RGS7: variants seen among roughly 807,000 people sequenced by gnomAD.
RGS7 encodes the protein regulator of G-protein signaling 7.
A neutral mutation model predicts 81.1 loss-of-function variants in RGS7; 27 were observed. That is an observed-to-expected ratio of 0.33 (90% CI 0.25 to 0.46). The LOEUF is 0.46. Among genes scored for constraint, RGS7 ranks in the 20% least tolerant of loss-of-function variants. RGS7 has a pLI of 1.00. For missense variants in RGS7, 396 were observed against 607.4 expected, an observed-to-expected ratio of 0.65 and a Z score of 3.66; for synonymous variants, 208 against 207.7, an observed-to-expected ratio of 1.00 and a Z score of -0.01.
chr1:241,156,102 A>C (rs931730796), intron 2 of RGS7, among the ~76,000 whole-genome samples: 22 of 148,612 alleles, frequency 1.5e-4, no homozygotes, highest in Non-Finnish European at 3.1e-4. Context: ...ACACACACAC[A>C]CCTGAGATAG....
chr1:240,908,571 ACCC>A (rs1671233010), intron 6 of RGS7, among the ~76,000 whole-genome samples: 1 of 152,022 alleles, frequency 6.6e-6, no homozygotes, highest in Non-Finnish European at 1.5e-5. Flanking sequence ...CACTGTCAAA[ACCC>A]TCTACCTCCC....
At chr1:240,822,480 A>AT (rs1192993810) in intron 10 of RGS7, among the ~76,000 whole-genome samples, 11 of 152,210 alleles carry the variant, frequency 7.2e-5, no homozygotes, top group Non-Finnish European at 1.3e-4. Flanking sequence ...TTCTAATAAT[A>AT]ATGCACAAAA....
intron 3 of RGS7, among the ~76,000 whole-genome samples, chr1:241,027,794 T>C (rs1375478886): frequency 6.6e-6 from 1 of 152,132 alleles, no homozygotes; most frequent in Non-Finnish European, 1.5e-5. Context: ...TTGGGTTTTG[T>C]GGAACTTAAA....
At chr1:241,199,361 T>C (rs1573092814) in intron 2 of RGS7, among the ~76,000 whole-genome samples, 1 of 151,724 alleles carries the variant, frequency 6.6e-6, no homozygotes, top group African/African-American at 2.4e-5. Flanking sequence ...GAGGCTGAGG[T>C]TGCACTGAGC....
chr1:240,883,865 C>T (rs1246245841), intron 6 of RGS7, among the ~76,000 whole-genome samples: 1 of 152,008 alleles, frequency 6.6e-6, no homozygotes, highest in South Asian at 2.1e-4. Flanking sequence ...CACCTGAGGT[C>T]AGGAGTTCAA....
chr1:241,255,820 G>T (rs1313680054), intron 2 of RGS7, among the ~76,000 whole-genome samples: 1 of 152,154 alleles, frequency 6.6e-6, no homozygotes, highest in Non-Finnish European at 1.5e-5. Context: ...ACTCCCAAAT[G>T]GGTGTTCACT....
intron 9 of RGS7, among the ~76,000 whole-genome samples, chr1:240,847,159 C>T (rs971886468): frequency 6.6e-6 from 1 of 152,198 alleles, no homozygotes; most frequent in Non-Finnish European, 1.5e-5. Context: ...TATACCAGTT[C>T]ATAGCTATCT....
At chr1:241,049,661 G>C (rs1230440828) in intron 3 of RGS7, among the ~76,000 whole-genome samples, 2 of 152,142 alleles carry the variant, frequency 1.3e-5, no homozygotes, top group Non-Finnish European at 2.9e-5. Context: ...CGAACTGTTG[G>C]TGCAGACCCA....
chr1:241,110,059 G>A (rs2065406295), intron 2 of RGS7, among the ~76,000 whole-genome samples: 1 of 152,156 alleles, frequency 6.6e-6, no homozygotes, highest in South Asian at 2.1e-4. Context: ...ACACATTTGA[G>A]GGTTAAATAT....
At chr1:241,214,610 C>T (rs1000631920) in intron 2 of RGS7, among the ~76,000 whole-genome samples, 1 of 152,068 alleles carries the variant, frequency 6.6e-6, no homozygotes, top group South Asian at 2.1e-4. Context: ...TTTCTCTCTT[C>T]TCTTCATCAA....
At chr1:240,807,824 C>T (rs546417757) in intron 14 of RGS7, among the ~76,000 whole-genome samples, 4 of 152,072 alleles carry the variant, frequency 2.6e-5, no homozygotes, top group Admixed American at 6.5e-5. Context: ...AACCTGAGGT[C>T]GGGAGTTTGA....
chr1:241,073,805 T>C (rs1240543183), intron 3 of RGS7, among the ~76,000 whole-genome samples: 1 of 152,240 alleles, frequency 6.6e-6, no homozygotes, highest in Non-Finnish European at 1.5e-5. Context: ...GCCGTCTTCC[T>C]TCTTTGAATC....
chr1:240,936,744 T>G, intron 4 of RGS7, 38 bp from the exon 5 acceptor site: 1 of 1,465,724 alleles, frequency 6.8e-7, no homozygotes, highest in East Asian at 2.3e-5. Context: ...TAAAAAAGCC[T>G]TTTAAATGTA....
At chr1:241,119,344 C>A (rs925063980) in intron 2 of RGS7, among the ~76,000 whole-genome samples, 3 of 152,132 alleles carry the variant, frequency 2.0e-5, no homozygotes, top group Non-Finnish European at 4.4e-5. Context: ...GAAGAAAATC[C>A]ATCCTTGCAC....
At position 241,039,432 on chromosome 1, in the gene RGS7, G is replaced by T. The variant is rs74523721; in HGVS notation, c.176-56303C>A. Among the ~76,000 whole-genome samples, 875 of 152,258 alleles carry T rather than the reference G, an allele frequency of 5.7e-3. 8 individuals carry two copies. Among genetic ancestry groups the T allele is most frequent in the Admixed American group, 0.021 (317 of 15,290 alleles). ...TTGAATCAGACACAGAAGCAGAATG[G>T]GATTTGGGGTTGTCTTTGGCACATG... On this transcript the variant is annotated intron_variant, in intron 3 of 18. Coordinates refer to ENST00000440928, the MANE Select transcript of RGS7 (RefSeq NM_001364886.1).
intron 2 of RGS7, among the ~76,000 whole-genome samples, chr1:241,291,148 T>C (rs963059130): frequency 1.3e-5 from 2 of 152,170 alleles, no homozygotes; most frequent in African/African-American, 4.8e-5. Context: ...AGGCAGGATA[T>C]ACATTTTGAG....
At chr1:241,186,465 T>C (rs2103340239) in intron 2 of RGS7, 1 of 937,856 alleles carries the variant, frequency 1.1e-6, no homozygotes, top group Non-Finnish European at 1.3e-6. Context: ...CTGATTGCTA[T>C]GGCTCTTCTT....
rs2077895087 is a variant in RGS7, at chr1:241,271,511, CTG to C, written c.78+84186_78+84187del. Among the ~76,000 whole-genome samples the C allele has an allele frequency of 6.6e-6, 1 of 152,242 alleles. No individual in the cohort carries two copies. The highest frequency in any genetic ancestry group is 6.5e-5 in the Admixed American group (1 of 15,282). On this transcript the variant is annotated intron_variant, in intron 2 of 18. Transcript: ENST00000440928. This position sits in a 1 kb window ranked among gnomAD's most constrained non-coding sequence, Gnocchi z 4.6. The stretch of plus-strand genomic sequence containing the variant: ...CGGTTCATTTTACATGTCAACTTGA[CTG>C]TTTCACAGGAGTGCCCAGGTATCTG...
intron 9 of RGS7, among the ~76,000 whole-genome samples, chr1:240,837,132 C>T (rs1432621736): frequency 2.0e-5 from 3 of 152,114 alleles, no homozygotes; most frequent in Admixed American, 6.5e-5. Context: ...TAAAATGTTC[C>T]CAGTTAGAAC....
Sources: allele counts gnomAD v4.1 joint callset (sites outside exome capture counted in the v4.1 genomes callset), GRCh38; gene constraint gnomAD v4.1.1; non-coding constraint Gnocchi (gnomAD v3.1); transcripts MANE v1.5; gene names NCBI Gene and HGNC (gene_info 2026-07-23, HGNC 2026-07-21).